The following GRK5 variants were observed in gnomAD, a reference collection of about 807,000 sequenced individuals.
GRK5 encodes the protein G protein-coupled receptor kinase 5.
GRK5 carries 40 observed loss-of-function variants against 78.4 expected under a neutral mutation model. That is an observed-to-expected ratio of 0.51 (90% CI 0.40 to 0.66). GRK5 has a LOEUF of 0.66. Among genes scored for constraint, GRK5 ranks in the 30% least tolerant of loss-of-function variants. The pLI is 0.00. For missense variants in GRK5, 598 were observed against 759.9 expected (o/e 0.79, Z 2.50); for synonymous variants, 289 against 296.8 (o/e 0.97, Z 0.27).
At chr10:119,306,960 C>A (rs1850281699) in intron 1 of GRK5, among the ~76,000 whole-genome samples, 1 of 152,034 alleles carries the variant, frequency 6.6e-6, no homozygotes, top group African/African-American at 2.4e-5. Flanking sequence ...ACTTTTTCTC[C>A]CTGGGCCTCT....
At chr10:119,304,621 C>G (rs1850242119) in intron 1 of GRK5, among the ~76,000 whole-genome samples, 1 of 152,204 alleles carries the variant, frequency 6.6e-6, no homozygotes, top group Non-Finnish European at 1.5e-5. Flanking sequence ...ACCTAGCGAG[C>G]AGCTGAGCTC....
chr10:119,381,041 C>A (rs1387355754), intron 3 of GRK5, 114 bp downstream of exon 3: 3 of 637,858 alleles, frequency 4.7e-6, no homozygotes, highest in Admixed American at 5.5e-5. Context: ...AAACTCACTG[C>A]TTACAAAACT....
chr10:119,363,050 C>T (rs575325649), intron 2 of GRK5, among the ~76,000 whole-genome samples: 7 of 152,200 alleles, frequency 4.6e-5, no homozygotes, highest in South Asian at 2.1e-4. Context: ...GAGGCTGAGG[C>T]GGGTGGATCA....
intron 2 of GRK5, among the ~76,000 whole-genome samples, chr10:119,373,082 A>G (rs1851571210): frequency 6.6e-6 from 1 of 152,284 alleles, no homozygotes; most frequent in South Asian, 2.1e-4. Flanking sequence ...CTTGTGGAAC[A>G]GGTGATAAAG....
At chr10:119,436,509 C>G (rs1852922283) in intron 8 of GRK5, 142 bp from the exon 9 acceptor site, 14 of 778,104 alleles carry the variant, frequency 1.8e-5, no homozygotes, top group Middle Eastern at 3.7e-4. Context: ...GGCAGGGTCA[C>G]CGCAGAGGCC....
At chr10:119,364,567 G>A (rs565094147) in intron 2 of GRK5, among the ~76,000 whole-genome samples, 14 of 152,218 alleles carry the variant, frequency 9.2e-5, no homozygotes, top group African/African-American at 3.4e-4. Context: ...AAGGGTCTCT[G>A]CCTCCCTCCT....
At chr10:119,437,489 A>C (rs1852945745) in intron 9 of GRK5, among the ~76,000 whole-genome samples, 1 of 152,204 alleles carries the variant, frequency 6.6e-6, no homozygotes, top group African/African-American at 2.4e-5. Flanking sequence ...ATATTCCATC[A>C]TATTGAAATA....
At position 119,445,255 on chromosome 10, in the gene GRK5, C is replaced by G. The variant is rs1346644842; in HGVS notation, c.1266+1503C>G. ...GGCTGTCTCATTGGGAGATATCTGTCAGGTGCGACAAAACGAGACAAGGGA... is the reference window on the plus strand; with the variant it reads ...GGCTGTCTCATTGGGAGATATCTGTGAGGTGCGACAAAACGAGACAAGGGA... On this transcript the variant is annotated intron_variant, in intron 12 of 15. Transcript: ENST00000392870. This position sits in a 1 kb window ranked among gnomAD's most constrained non-coding sequence, Gnocchi z 4.1. Among the ~76,000 whole-genome samples the G allele has an allele frequency of 6.6e-6, 1 of 152,150 alleles. No individual in the cohort carries two copies. Among genetic ancestry groups the G allele is most frequent in the East Asian group, 1.9e-4 (1 of 5,204 alleles).
chr10:119,394,773 G>C (rs1280185928), intron 3 of GRK5, among the ~76,000 whole-genome samples: 2 of 144,672 alleles, frequency 1.4e-5, no homozygotes, highest in African/African-American at 2.7e-5. Flanking sequence ...GTATCTGTGT[G>C]TGTGTGGGCA....
At chr10:119,408,135 C>G (rs1331711990) in intron 4 of GRK5, among the ~76,000 whole-genome samples, 1 of 140,966 alleles carries the variant, frequency 7.1e-6, no homozygotes, top group Non-Finnish European at 1.5e-5. Flanking sequence ...TGCACTCCAG[C>G]CTAGGCAACA....
chr10:119,261,056 C>A (rs1241091269), intron 1 of GRK5, among the ~76,000 whole-genome samples: 2 of 74,906 alleles, frequency 2.7e-5, no homozygotes, highest in Admixed American at 1.5e-4. Context: ...ACCTCCCTCC[C>A]GGACGGGGCG....
intron 1 of GRK5, among the ~76,000 whole-genome samples, chr10:119,260,424 T>A (rs1178647061): frequency 2.4e-4 from 36 of 151,316 alleles, no homozygotes; most frequent in Admixed American, 2.0e-3. Flanking sequence ...TTTTTTTTTT[T>A]ATTGATCATT....
At chr10:119,372,493 G>A (rs556155981) in intron 2 of GRK5, among the ~76,000 whole-genome samples, 2 of 152,254 alleles carry the variant, frequency 1.3e-5, no homozygotes, top group African/African-American at 4.8e-5. Context: ...ATATCTGAAG[G>A]CTTATTACTC....
chr10:119,433,570 G>A (rs947988342), intron 8 of GRK5, among the ~76,000 whole-genome samples: 1 of 152,214 alleles, frequency 6.6e-6, no homozygotes, highest in African/African-American at 2.4e-5. Context: ...AGCCATTGCA[G>A]CAGAAGCACA....
rs567892062 is a variant in GRK5, at chr10:119,230,911, C to T, written c.52+22942C>T. ...CAAAAACTACCTGTACTTGAAGACA[C>T]CAGATCTGGCAGCAGAAGCTGTAGG... On this transcript the variant is annotated intron_variant, in intron 1 of 15. Transcript: ENST00000392870. Among the ~76,000 whole-genome samples the T allele has an allele frequency of 8.6e-5, 13 of 150,800 alleles. No homozygotes were observed. The South Asian group carries it at 2.7e-3, about 32-fold the overall frequency.
At chr10:119,362,338 A>T (rs1434000285) in intron 2 of GRK5, among the ~76,000 whole-genome samples, 1 of 152,230 alleles carries the variant, frequency 6.6e-6, no homozygotes, top group Non-Finnish European at 1.5e-5. Flanking sequence ...GAACCCCAGG[A>T]CACTTGAGTC....
At position 119,443,749 on chromosome 10, in the gene GRK5, G is replaced by C; in HGVS notation, c.1263G>C (p.Lys421Asn). The change falls in exon 12 of 16, where the codon AAG (lysine) becomes AAC (asparagine). Residue 421 changes from lysine to asparagine, a missense_variant. Coordinates refer to ENST00000392870, the MANE Select transcript of GRK5 (RefSeq NM_005308.3). ...CCGAGGAGGCCAAGTCCATCTGCAA[G>C]ATGGTGAGCTCCTGGTGGCCAGATG... ...KFSEEAKSIC[K>N]MLLTKDAKQR... 1.3e-6 allele frequency: 2 copies of C among 1,595,196 alleles called. No homozygotes were observed. Among genetic ancestry groups the C allele is most frequent in the South Asian group, 2.2e-5 (2 of 90,486 alleles).
At chr10:119,262,329 GTTTTTTTTTTTTTTTTT>G (rs149424799) in intron 1 of GRK5, among the ~76,000 whole-genome samples, 1 of 67,532 alleles carries the variant, frequency 1.5e-5, no homozygotes, top group East Asian at 5.6e-4. Flanking sequence ...TTAACTTTGG[GTTTTTTTTTTTTTTTTT>G]TTTTTTTTTT....
At chr10:119,436,101 A>T (rs872462) in intron 8 of GRK5, among the ~76,000 whole-genome samples, 10,124 of 152,252 alleles carry the variant, frequency 0.066, 819 homozygotes, top group African/African-American at 0.19. Context: ...CATGGGAATT[A>T]TGGGAGTACA....
Sources: allele counts gnomAD v4.1 joint callset (sites outside exome capture counted in the v4.1 genomes callset), GRCh38; gene constraint gnomAD v4.1.1; non-coding constraint Gnocchi (gnomAD v3.1); transcripts MANE v1.5; gene names NCBI Gene and HGNC (gene_info 2026-07-23, HGNC 2026-07-21).